FREM1: variants seen among roughly 807,000 people sequenced by gnomAD.
The protein encoded by FREM1 is FRAS1-related extracellular matrix protein 1.
A neutral mutation model predicts 210.1 loss-of-function variants in FREM1; 220 were observed. The ratio of observed to expected loss-of-function variants is 1.05; its 90% confidence interval spans 0.94 to 1.17. The LOEUF (loss-of-function observed/expected upper bound fraction) is 1.17, where lower values mean the gene tolerates loss of function less well. Among genes scored for constraint, FREM1 ranks in the 50% most tolerant of loss-of-function variants. The pLI is 0.00. For synonymous variants in FREM1, 1,189 were observed against 980.2 expected (o/e 1.21, Z -3.98); for missense variants, 3,454 against 2,675.5 (o/e 1.29, Z -6.42).
chr9:14,800,511 C>T (rs983546406), intron 20 of FREM1, among the ~76,000 whole-genome samples: 1 of 152,064 alleles, frequency 6.6e-6, no homozygotes, highest in Non-Finnish European at 1.5e-5. Flanking sequence ...AGTAAATTAT[C>T]CCCTCAGAAA....
chr9:14,868,107 C>A (rs1266747997), intron 2 of FREM1, among the ~76,000 whole-genome samples: 1 of 152,148 alleles, frequency 6.6e-6, no homozygotes, highest in African/African-American at 2.4e-5. Flanking sequence ...TTTTCCCTTA[C>A]TCAGAAAAAA....
At chr9:14,877,785 C>A (rs1281606297) in intron 1 of FREM1, among the ~76,000 whole-genome samples, 1 of 152,204 alleles carries the variant, frequency 6.6e-6, no homozygotes, top group South Asian at 2.1e-4. Context: ...ATCTTGACTG[C>A]AGCCTGGTGG....
chr9:14,904,053 C>T (rs1193923303), intron 1 of FREM1, among the ~76,000 whole-genome samples: 2 of 128,052 alleles, frequency 1.6e-5, no homozygotes, highest in African/African-American at 3.0e-5. Flanking sequence ...ACCTGGGAGG[C>T]GGAGCTTGCA....
intron 22 of FREM1, among the ~76,000 whole-genome samples, chr9:14,789,423 T>G (rs1396416776): frequency 6.6e-6 from 1 of 152,206 alleles, no homozygotes; most frequent in East Asian, 1.9e-4. Flanking sequence ...TTCCAATTAA[T>G]AAGAGGAGGT....
At chr9:14,835,106 C>A (rs1334905943) in intron 10 of FREM1, among the ~76,000 whole-genome samples, 1 of 152,174 alleles carries the variant, frequency 6.6e-6, no homozygotes. Flanking sequence ...TCACAAATAT[C>A]AAGCAAAACA....
intron 2 of FREM1, among the ~76,000 whole-genome samples, chr9:14,866,644 T>C (rs1469066174): frequency 6.6e-6 from 1 of 152,210 alleles, no homozygotes; most frequent in Non-Finnish European, 1.5e-5. Flanking sequence ...TTCCTTCTTC[T>C]CTTTTTCACA....
intron 26 of FREM1, 139 bp from the exon 27 acceptor site, chr9:14,770,007 T>C: frequency 3.9e-6 from 2 of 516,690 alleles, no homozygotes; most frequent in Non-Finnish European, 6.6e-6. Context: ...AAATTAACAT[T>C]ACTGTAACTA....
chr9:14,852,814 G>A (rs1458711315), intron 5 of FREM1, among the ~76,000 whole-genome samples: 2 of 152,214 alleles, frequency 1.3e-5, no homozygotes, highest in Non-Finnish European at 2.9e-5. Context: ...CTGAACACTT[G>A]CCATTGGGCT....
intron 1 of FREM1, among the ~76,000 whole-genome samples, chr9:14,894,333 C>A (rs1331084243): frequency 1.3e-5 from 2 of 152,162 alleles, no homozygotes; most frequent in Non-Finnish European, 2.9e-5. Flanking sequence ...AATTTCCTTG[C>A]CAATTGTGGC....
intron 27 of FREM1, among the ~76,000 whole-genome samples, chr9:14,761,778 G>C (rs991494266): frequency 6.6e-6 from 1 of 152,296 alleles, no homozygotes; most frequent in Non-Finnish European, 1.5e-5. Context: ...CTGCCCATTA[G>C]TCACTCTGTA....
intron 28 of FREM1, among the ~76,000 whole-genome samples, chr9:14,756,749 T>C (rs1293307487): frequency 2.0e-5 from 3 of 152,216 alleles, no homozygotes; most frequent in African/African-American, 7.2e-5. Flanking sequence ...TTTTTGTCTT[T>C]GTTGCAAGCA....
rs1437866331 is a variant in FREM1 at position 14,848,759 on chromosome 9, T to C, written c.1167A>G (p.Val389=). 9.3e-6 allele frequency: 15 copies of C among 1,607,638 alleles called. No individual in the cohort carries two copies. In the African/African-American group the frequency reaches 1.6e-4, roughly 17 times the overall value. Residue 389 remains valine, a synonymous_variant, in exon 7 of 37, where the codon GTA becomes GTG. Transcript: ENST00000380880. ...CACTCCTTTCAAAGAAGAAGTCGTA[T>C]ACCTCCAATTCTACCTGTAAACAAA... is the stretch of plus-strand genomic sequence containing the variant. The part of the protein sequence containing the change: ...ERRHDEVELE[V]YDFFFERSAP...
intron 1 of FREM1, among the ~76,000 whole-genome samples, chr9:14,889,176 T>C (rs1836342119): frequency 6.6e-6 from 1 of 152,180 alleles, no homozygotes. Context: ...GTTTATGTCT[T>C]TTGATTGATT....
chr9:14,861,130 CATAT>C lies in FREM1; in HGVS notation c.330-1650_330-1647del, dbSNP rs536484018. On this transcript the variant is annotated intron_variant, in intron 3 of 36. Transcript: ENST00000380880. Reference sequence around the variant, plus strand: ...ATACACATATATATACATATATACACATATATACATATATACACATATATACGTA... The same window carrying C: ...ATACACATATATATACATATATACACATACATATATACACATATATACGTA... 2.9e-5 allele frequency among the ~76,000 whole-genome samples: 2 copies of C among 69,130 alleles called. 1 individual carries two copies. The highest frequency in any genetic ancestry group is 3.4e-4 in the Admixed American group (2 of 5,844). The allele number at this position is 69,130 out of a possible 152,430, so 45.4% of individuals were successfully genotyped here.
chr9:14,812,850 C>G lies in FREM1; in HGVS notation c.2855G>C (p.Arg952Thr). Residue 952 changes from arginine to threonine, a missense_variant, in exon 16 of 37, where the codon AGA becomes ACA. By Grantham distance (71) the Arg-to-Thr change is moderately conservative (BLOSUM62 -1). Transcript: ENST00000380880. Reference sequence around the variant, plus strand: ...TGTCACGGCCTCTGAGATAACATCTCTCTGAGAGAACTGATCCACTGTGAC... The same window carrying G: ...TGTCACGGCCTCTGAGATAACATCTGTCTGAGAGAACTGATCCACTGTGAC... ...AGVTVDQFSQ[R>T]DVISEAVTYK... 1 of 1,613,606 alleles carries G rather than the reference C, an allele frequency of 6.2e-7. No individual in the cohort carries two copies. Among genetic ancestry groups the G allele is most frequent in the Non-Finnish European group, 8.5e-7 (1 of 1,179,628 alleles).
intron 10 of FREM1, among the ~76,000 whole-genome samples, chr9:14,826,080 T>C (rs1822390145): frequency 6.7e-6 from 1 of 149,694 alleles, no homozygotes; most frequent in Non-Finnish European, 1.5e-5. Flanking sequence ...AGACTTTCAA[T>C]ATACACTCTT....
chr9:14,835,803 C>T (rs952779923), intron 10 of FREM1, among the ~76,000 whole-genome samples: 1 of 152,184 alleles, frequency 6.6e-6, no homozygotes, highest in African/African-American at 2.4e-5. Context: ...CTAAAGTTTA[C>T]TGATAATTAC....
chr9:14,780,433 G>GAAGAAAAAAAAAAAAAA (rs1849463298), intron 24 of FREM1, among the ~76,000 whole-genome samples: 1 of 81,536 alleles, frequency 1.2e-5, no homozygotes, highest in Non-Finnish European at 2.6e-5. Context: ...CAGCTCCTCA[G>GAAGAAAAAAAAAAAAAA]AAAAAAAAAA....
chr9:14,755,160 G>C (rs755280626), intron 29 of FREM1, among the ~76,000 whole-genome samples: 5 of 152,132 alleles, frequency 3.3e-5, no homozygotes, highest in Admixed American at 6.5e-5. Context: ...TGAGACACTC[G>C]ATGTCTCTGT....
Sources: allele counts gnomAD v4.1 joint callset (sites outside exome capture counted in the v4.1 genomes callset), GRCh38; gene constraint gnomAD v4.1.1; transcripts MANE v1.5; gene names NCBI Gene and HGNC (gene_info 2026-07-23, HGNC 2026-07-21).